SKAP1: variants seen among roughly 807,000 people sequenced by gnomAD.
SKAP1 encodes src kinase associated phosphoprotein 1, also known as src kinase-associated phosphoprotein 1.
SKAP1 carries 44 observed loss-of-function variants against 58.5 expected under a neutral mutation model. That is an observed-to-expected ratio of 0.75 (90% confidence interval 0.59 to 0.97). The LOEUF is 0.97. Ranked by LOEUF, SKAP1 falls within the 50% of genes least tolerant of loss-of-function variation. The pLI is 0.00. For synonymous variants in SKAP1, 127 were observed against 149.7 expected, an observed-to-expected ratio of 0.85 and a Z score of 1.11; for missense variants, 390 against 435.2, an observed-to-expected ratio of 0.90 and a Z score of 0.92.
intron 4 of SKAP1, among the ~76,000 whole-genome samples, chr17:48,317,864 G>A (rs1168950485): frequency 6.6e-6 from 1 of 152,010 alleles, no homozygotes; most frequent in African/African-American, 2.4e-5. Flanking sequence ...AGCAATCAAA[G>A]GGTAGAGGTA....
At chr17:48,358,659 A>T (rs147334769) in intron 3 of SKAP1, among the ~76,000 whole-genome samples, 63 of 152,312 alleles carry the variant, frequency 4.1e-4, no homozygotes, top group Non-Finnish European at 7.4e-4. Flanking sequence ...TTATGAAAAG[A>T]TACATGAAAA....
At chr17:48,154,757 G>T (rs1017123759) in intron 11 of SKAP1, among the ~76,000 whole-genome samples, 3 of 152,076 alleles carry the variant, frequency 2.0e-5, no homozygotes, top group Non-Finnish European at 2.9e-5. Flanking sequence ...TAAAAAAAAT[G>T]GGCGTTTAAG....
chr17:48,318,657 G>A (rs2066320600), intron 4 of SKAP1, among the ~76,000 whole-genome samples: 1 of 152,216 alleles, frequency 6.6e-6, no homozygotes, highest in Non-Finnish European at 1.5e-5. Flanking sequence ...CTTGAGGCCA[G>A]GAGTTCAAGA....
chr17:48,320,052 G>C (rs1234407178), intron 4 of SKAP1, among the ~76,000 whole-genome samples: 2 of 151,698 alleles, frequency 1.3e-5, no homozygotes, highest in African/African-American at 4.8e-5. Flanking sequence ...AAATTACCAG[G>C]ATATTTCATG....
intron 4 of SKAP1, among the ~76,000 whole-genome samples, chr17:48,327,341 T>C (rs1048451905): frequency 6.6e-6 from 1 of 152,244 alleles, no homozygotes; most frequent in African/African-American, 2.4e-5. Context: ...TAATGGAACA[T>C]TCTGTCAGTT....
intron 4 of SKAP1, among the ~76,000 whole-genome samples, chr17:48,269,732 A>G (rs1352446604): frequency 6.6e-6 from 1 of 152,218 alleles, no homozygotes; most frequent in Non-Finnish European, 1.5e-5. Context: ...TAAGTTAAAG[A>G]GAGCTTTTAT....
At chr17:48,212,210 T>G (rs151026634) in intron 4 of SKAP1, among the ~76,000 whole-genome samples, 2 of 152,188 alleles carry the variant, frequency 1.3e-5, no homozygotes, top group African/African-American at 4.8e-5. Flanking sequence ...TCGTGGCGAT[T>G]AGAGGAAAGT....
At chr17:48,289,238 A>G (rs550227173) in intron 4 of SKAP1, among the ~76,000 whole-genome samples, 1 of 152,264 alleles carries the variant, frequency 6.6e-6, no homozygotes, top group Admixed American at 6.5e-5. Context: ...ATATTCATAA[A>G]TACTCATGCT....
At chr17:48,296,764 A>AT (rs1299047042) in intron 4 of SKAP1, among the ~76,000 whole-genome samples, 1 of 151,970 alleles carries the variant, frequency 6.6e-6, no homozygotes, top group Non-Finnish European at 1.5e-5. Flanking sequence ...TAACTTCCTC[A>AT]TTTTTTCAGA....
chr17:48,188,323 C>T (rs977602921), intron 5 of SKAP1, among the ~76,000 whole-genome samples: 3 of 152,198 alleles, frequency 2.0e-5, no homozygotes, highest in Non-Finnish European at 4.4e-5. Flanking sequence ...GCCAATTTGC[C>T]TGTTGAGTGT....
chr17:48,172,220 T>A (rs987067184), intron 9 of SKAP1, among the ~76,000 whole-genome samples: 2 of 152,218 alleles, frequency 1.3e-5, no homozygotes, highest in Non-Finnish European at 2.9e-5. Context: ...TTATTCAGCA[T>A]GTCTTGTTCA....
At chr17:48,279,791 G>A (rs1180871709) in intron 4 of SKAP1, among the ~76,000 whole-genome samples, 1 of 151,998 alleles carries the variant, frequency 6.6e-6, no homozygotes, top group Admixed American at 6.6e-5. Context: ...CATTCCTATG[G>A]CCCACCAACA....
chr17:48,238,778 A>G (rs529958259), intron 4 of SKAP1, among the ~76,000 whole-genome samples: 86 of 152,360 alleles, frequency 5.6e-4, no homozygotes, highest in Non-Finnish European at 1.0e-3. Context: ...ATGGAGCTCC[A>G]TCACATGACT....
At chr17:48,259,148 G>A (rs1244766429) in intron 4 of SKAP1, among the ~76,000 whole-genome samples, 2 of 151,906 alleles carry the variant, frequency 1.3e-5, no homozygotes, top group African/African-American at 4.8e-5. Context: ...AATGACTCAA[G>A]CTAGGATTTT....
chr17:48,442,871 A>C, the SKAP1 span, among the ~76,000 whole-genome samples: 1 of 152,120 alleles, frequency 6.6e-6, no homozygotes, highest in Admixed American at 6.5e-5. Context: ...TTTCCTAATT[A>C]AAATTTTAGT....
chr17:48,331,475 G>C (rs1279035948), intron 4 of SKAP1, among the ~76,000 whole-genome samples: 1 of 152,008 alleles, frequency 6.6e-6, no homozygotes, highest in Non-Finnish European at 1.5e-5. Context: ...CAAGGTGGGC[G>C]GATCACCTGA....
intron 6 of SKAP1, among the ~76,000 whole-genome samples, chr17:48,186,454 TTTTA>T (rs58026898): frequency 0.067 from 9,923 of 148,488 alleles, 367 homozygotes; most frequent in African/African-American, 0.1. Flanking sequence ...AAGCTGCAGT[TTTTA>T]TTTATTTATT....
At chr17:48,338,496 A>G (rs974738802) in intron 4 of SKAP1, among the ~76,000 whole-genome samples, 1 of 152,042 alleles carries the variant, frequency 6.6e-6, no homozygotes, top group Non-Finnish European at 1.5e-5. Flanking sequence ...TAAAACAGAG[A>G]CTAGATTAGG....
At chr17:48,195,897 T>C (rs911490620) in intron 4 of SKAP1, among the ~76,000 whole-genome samples, 2 of 152,030 alleles carry the variant, frequency 1.3e-5, no homozygotes, top group African/African-American at 4.8e-5. Context: ...AATCCTGTTA[T>C]ACTGAAGACA....
Sources: allele counts gnomAD v4.1 joint callset (sites outside exome capture counted in the v4.1 genomes callset), GRCh38; gene constraint gnomAD v4.1.1; transcripts MANE v1.5; gene names NCBI Gene and HGNC (gene_info 2026-07-23, HGNC 2026-07-21).